The following GAD2 variants were observed in gnomAD, a reference collection of about 807,000 sequenced individuals.
The protein encoded by GAD2 is glutamate decarboxylase 2, also known as 65 kDa glutamic acid decarboxylase.
GAD2 carries 22 observed loss-of-function variants against 80.1 expected under a neutral mutation model. The observed-to-expected ratio is 0.27, with a 90% CI of 0.20 to 0.39. The LOEUF (loss-of-function observed/expected upper bound fraction) is 0.39. Among genes scored for constraint, GAD2 ranks in the 10% least tolerant of loss-of-function variants. The pLI is 1.00. For missense variants in GAD2, 624 were observed against 738.4 expected, an observed-to-expected ratio of 0.85 and a Z score of 1.80; for synonymous variants, 274 against 256.9, an observed-to-expected ratio of 1.07 and a Z score of -0.64.
chr10:26,245,819 C>T, intron 7 of GAD2, 102 bp from the exon 8 acceptor site: 1 of 898,412 alleles, frequency 1.1e-6, no homozygotes, highest in Non-Finnish European at 1.7e-6. Flanking sequence ...GAGGAACAGA[C>T]TAGAAATGAA....
chr10:26,225,899 A>G (rs1351205958), intron 6 of GAD2, among the ~76,000 whole-genome samples: 1 of 152,176 alleles, frequency 6.6e-6, no homozygotes, highest in African/African-American at 2.4e-5. Context: ...TTTCCTTTGG[A>G]AAGCCATCCC....
chr10:26,216,598 C>T (rs1358770089), upstream of GAD2: 10 of 431,118 alleles, frequency 2.3e-5, no homozygotes, highest in Non-Finnish European at 4.1e-5. The surrounding 1 kb of genome is among the most constrained non-coding windows in gnomAD (Gnocchi z 4.7). Flanking sequence ...TTGCCACGTC[C>T]CTAAACCCTG....
intron 13 of GAD2, among the ~76,000 whole-genome samples, chr10:26,290,851 C>T (rs991070516): frequency 1.3e-5 from 2 of 152,154 alleles, no homozygotes; most frequent in African/African-American, 4.8e-5. Flanking sequence ...GGATCTTAAT[C>T]CCATAAATAT....
chr10:26,239,117 C>T (rs1313143816), intron 7 of GAD2, among the ~76,000 whole-genome samples: 1 of 152,192 alleles, frequency 6.6e-6, no homozygotes, highest in African/African-American at 2.4e-5. Flanking sequence ...CCACTAATTC[C>T]ACCCACAAAG....
At chr10:26,231,175 A>C (rs1396131399) in intron 7 of GAD2, among the ~76,000 whole-genome samples, 1 of 152,180 alleles carries the variant, frequency 6.6e-6, no homozygotes, top group Non-Finnish European at 1.5e-5. Flanking sequence ...CCTCAGAGAC[A>C]ATCAGGAAGC....
rs752878002 is a variant in GAD2, at chr10:26,245,907, T to C, written c.841-14T>C. ...ATATGGAACTAATTGCAAATATATA[T>C]ATTTTTTTTACAGAGTCATTTTTCT... On this transcript the variant is annotated splice_polypyrimidine_tract_variant and intron_variant, in intron 7 of 15. Transcript: ENST00000376261. 12 of 1,595,864 alleles carry C rather than the reference T, an allele frequency of 7.5e-6. No individual in the cohort carries two copies. In the Admixed American group the frequency reaches 1.3e-4, roughly 18 times the overall value.
At chr10:26,239,644 T>C (rs966144566) in intron 7 of GAD2, among the ~76,000 whole-genome samples, 9 of 152,170 alleles carry the variant, frequency 5.9e-5, no homozygotes, top group Admixed American at 2.0e-4. Context: ...ATATTAGAAA[T>C]AGTGTCTTGT....
intron 11 of GAD2, among the ~76,000 whole-genome samples, chr10:26,275,195 A>G (rs1030944846): frequency 1.3e-5 from 2 of 152,274 alleles, no homozygotes; most frequent in Non-Finnish European, 2.9e-5. Flanking sequence ...GATCAGAACA[A>G]TAATTAAATT....
intron 4 of GAD2, among the ~76,000 whole-genome samples, chr10:26,223,115 A>G (rs3781117): frequency 0.12 from 18,953 of 152,260 alleles, 1,540 homozygotes; most frequent in East Asian, 0.31. Context: ...TAATTAGATA[A>G]GCCTTGCGAT....
chr10:26,268,790 C>A (rs1429741053), intron 8 of GAD2, among the ~76,000 whole-genome samples: 1 of 152,192 alleles, frequency 6.6e-6, no homozygotes, highest in African/African-American at 2.4e-5. Flanking sequence ...CCTTTCATTG[C>A]CAAACATTTT....
chr10:26,283,579 G>C (rs1051047893), intron 12 of GAD2, among the ~76,000 whole-genome samples: 1 of 152,206 alleles, frequency 6.6e-6, no homozygotes, highest in African/African-American at 2.4e-5. Flanking sequence ...AGCATGAGAA[G>C]GTGGTGGTCT....
chr10:26,218,229 A>G (rs1046238725), intron 3 of GAD2: 8 of 409,250 alleles, frequency 2.0e-5, no homozygotes, highest in Non-Finnish European at 3.4e-5. Flanking sequence ...CTCTTCCCCC[A>G]GCGCGGCCCT....
rs545352833 is a variant in GAD2, at chr10:26,300,512, A to G, written c.1585-276A>G. Among the ~76,000 whole-genome samples the G allele has an allele frequency of 3.3e-5, 5 of 152,222 alleles. No homozygotes were observed. The South Asian group carries it at 1.0e-3, about 32-fold the overall frequency. On this transcript the variant is annotated intron_variant, in intron 15 of 15. Transcript: ENST00000376261. ...TTGGGGCCAATACTAGATTCATCCC[A>G]TCCTCCCAAAACACTAACTGGAAAG...
At chr10:26,295,508 G>GCACACACACACACACACACACACACACA (rs61216190) in intron 15 of GAD2, among the ~76,000 whole-genome samples, 1 of 133,822 alleles carries the variant, frequency 7.5e-6, no homozygotes, top group Admixed American at 7.5e-5. Flanking sequence ...TCATACGCAT[G>GCACACACACACACACACACACACACACA]CACACACACA....
intron 10 of GAD2, among the ~76,000 whole-genome samples, chr10:26,273,261 G>A (rs1257259880): frequency 6.6e-6 from 1 of 152,220 alleles, no homozygotes; most frequent in Non-Finnish European, 1.5e-5. Flanking sequence ...CTGCAACTTG[G>A]AAGCTGTTTA....
chr10:26,224,506 C>T (rs1017393800), intron 5 of GAD2, 33 bp from the exon 6 acceptor site: 4 of 1,216,754 alleles, frequency 3.3e-6, no homozygotes, highest in Non-Finnish European at 3.7e-6. Flanking sequence ...ATCTGAGTTA[C>T]AGAGGTAAAA....
At position 26,301,147 on chromosome 10, in the gene GAD2, C is replaced by T. The variant is rs8190799; in HGVS notation, c.*186C>T. The T allele has an allele frequency of 2.7e-3, 1,554 of 569,194 alleles. 21 individuals are homozygous for T. Among genetic ancestry groups the T allele is most frequent in the African/African-American group, 0.023 (1,237 of 53,412 alleles). The allele number at this position is 569,194 out of a possible 1,614,324, so 35.3% of individuals were successfully genotyped here. A position where few individuals can be genotyped will look rare whatever the true frequency, so the allele number is the denominator to read the frequency against. ...AAAGTCCTTTCTTAAGTTTAGAATA[C>T]CTCTCTAAGAATTCGTGACAAAAGG... On this transcript the variant is annotated 3_prime_UTR_variant, in exon 16 of 16. Transcript: ENST00000376261.
chr10:26,277,298 T>G (rs967762439), intron 11 of GAD2, among the ~76,000 whole-genome samples: 2 of 152,200 alleles, frequency 1.3e-5, no homozygotes. Context: ...GGGTGGAAAG[T>G]GCAGAAGTCT....
intron 12 of GAD2, among the ~76,000 whole-genome samples, chr10:26,282,617 T>A (rs1166177265): frequency 6.6e-6 from 1 of 152,198 alleles, no homozygotes; most frequent in African/African-American, 2.4e-5. Context: ...ACAATATCTC[T>A]ATGGTTAAAA....
Sources: allele counts gnomAD v4.1 joint callset (sites outside exome capture counted in the v4.1 genomes callset), GRCh38; gene constraint gnomAD v4.1.1; non-coding constraint Gnocchi (gnomAD v3.1); transcripts MANE v1.5; gene names NCBI Gene and HGNC (gene_info 2026-07-23, HGNC 2026-07-21).